ADAMTS17: variants seen among roughly 807,000 people sequenced by gnomAD.
ADAMTS17 encodes A disintegrin and metalloproteinase with thrombospondin motifs 17.
Under a neutral mutation model 141.5 loss-of-function variants are expected in ADAMTS17, and 113 were observed. The observed-to-expected ratio is 0.80, with a 90% CI of 0.69 to 0.93. The LOEUF (loss-of-function observed/expected upper bound fraction) is 0.93. Among genes scored for constraint, ADAMTS17 ranks in the 40% least tolerant of loss-of-function variants. The pLI, the probability that ADAMTS17 is intolerant of heterozygous loss-of-function variation, is 0.00. For missense variants in ADAMTS17, 1,659 were observed against 1,517.9 expected (o/e 1.09, Z -1.54); for synonymous variants, 768 against 630.6 (o/e 1.22, Z -3.27).
chr15:100,167,786 G>A (rs944679424), intron 8 of ADAMTS17, among the ~76,000 whole-genome samples: 2 of 152,222 alleles, frequency 1.3e-5, no homozygotes, highest in African/African-American at 4.8e-5. Flanking sequence ...GGTCTTGTGA[G>A]GCTCTCCTTA....
chr15:100,262,171 C>T (rs1057246882), intron 5 of ADAMTS17, among the ~76,000 whole-genome samples, 181 bp downstream of exon 5: 2 of 152,008 alleles, frequency 1.3e-5, no homozygotes, highest in African/African-American at 4.8e-5. Flanking sequence ...AGATTCTCAA[C>T]AGCCCCCCCT....
At chr15:100,248,956 G>A (rs960755335) in intron 7 of ADAMTS17, among the ~76,000 whole-genome samples, 4 of 152,174 alleles carry the variant, frequency 2.6e-5, no homozygotes, top group East Asian at 1.9e-4. Context: ...CCGCCACCAC[G>A]CCTGGCTAAT....
intron 15 of ADAMTS17, among the ~76,000 whole-genome samples, chr15:100,078,618 G>A (rs2034534437): frequency 6.6e-6 from 1 of 152,154 alleles, no homozygotes; most frequent in Admixed American, 6.5e-5. Flanking sequence ...GAAACCTCTT[G>A]GAAGAAAACA....
intron 15 of ADAMTS17, among the ~76,000 whole-genome samples, chr15:100,062,278 C>G (rs1596325308): frequency 6.6e-6 from 1 of 152,274 alleles, no homozygotes; most frequent in South Asian, 2.1e-4. Flanking sequence ...CCGTCACAGC[C>G]TCAAGGAGGC....
rs182785608 is a variant in ADAMTS17 at position 100,230,411 on chromosome 15, G to T, written c.1075+23725C>A. On this transcript the variant is annotated intron_variant, in intron 7 of 21. Transcript: ENST00000268070. ...TGGCTGGTACAGAGTTGGAGGAGAA[G>T]TCATCCATGCCATAGACACACGAGC... Among the ~76,000 whole-genome samples, 46 of 152,328 alleles carry T rather than the reference G, an allele frequency of 3.0e-4. 1 individual carries two copies. The East Asian group carries it at 7.0e-3, about 23-fold the overall frequency.
At chr15:100,209,080 C>G (rs2041690793) in intron 7 of ADAMTS17, among the ~76,000 whole-genome samples, 1 of 114,178 alleles carries the variant, frequency 8.8e-6, no homozygotes. Context: ...GAATACAATG[C>G]AAGGCCATGC....
chr15:100,230,211 G>T (rs923384871), intron 7 of ADAMTS17, among the ~76,000 whole-genome samples: 13 of 152,200 alleles, frequency 8.5e-5, no homozygotes, highest in Non-Finnish European at 2.9e-5. Context: ...AACACGTCAC[G>T]AATGACACCC....
intron 3 of ADAMTS17, among the ~76,000 whole-genome samples, chr15:100,312,261 G>A (rs1046830854): frequency 6.6e-6 from 1 of 152,240 alleles, no homozygotes; most frequent in Non-Finnish European, 1.5e-5. Flanking sequence ...TCTGACTACA[G>A]AAGAGAATTG....
chr15:100,193,454 C>T (rs1441930639), intron 8 of ADAMTS17, among the ~76,000 whole-genome samples: 1 of 152,072 alleles, frequency 6.6e-6, no homozygotes, highest in Non-Finnish European at 1.5e-5. Context: ...GTTGGCTCCC[C>T]AGCACTGGGG....
intron 10 of ADAMTS17, among the ~76,000 whole-genome samples, chr15:100,140,342 A>AT (rs1417602642): frequency 6.6e-6 from 1 of 152,054 alleles, no homozygotes; most frequent in Admixed American, 6.6e-5. Context: ...GGCATATAGT[A>AT]TTTTTTGTAA....
At position 100,162,856 on chromosome 15, in the gene ADAMTS17, C is replaced by G. The variant is rs565091029; in HGVS notation, c.1182-7536G>C. Among the ~76,000 whole-genome samples, 2 of 143,976 alleles carry G rather than the reference C, an allele frequency of 1.4e-5. 1 individual carries two copies. Among genetic ancestry groups the G allele is most frequent in the Admixed American group, 1.4e-4 (2 of 14,186 alleles). 94.5% of individuals were successfully genotyped at this position (143,976 alleles called of 152,430 possible). A position where few individuals can be genotyped will look rare whatever the true frequency, so the allele number is the denominator to read the frequency against. ...TGTATAACTATATATAGTTATATATCTGTGTATATATATAACTATATGTAT... is the reference window on the plus strand; with the variant it reads ...TGTATAACTATATATAGTTATATATGTGTGTATATATATAACTATATGTAT... On this transcript the variant is annotated intron_variant, in intron 8 of 21. Coordinates refer to ENST00000268070, the MANE Select transcript of ADAMTS17 (RefSeq NM_139057.4).
At chr15:100,127,889 A>AGC (rs1025466543) in intron 12 of ADAMTS17, among the ~76,000 whole-genome samples, 6 of 136,542 alleles carry the variant, frequency 4.4e-5, no homozygotes, top group Non-Finnish European at 6.7e-5. Flanking sequence ...GCCCCCTGAT[A>AGC]AAGTTTTTTT....
chr15:99,988,197 G>A (rs2060627877), intron 20 of ADAMTS17, among the ~76,000 whole-genome samples: 2 of 152,192 alleles, frequency 1.3e-5, no homozygotes, highest in African/African-American at 2.4e-5. Context: ...GTCCCCCAAC[G>A]TTGGAGGTGG....
chr15:100,067,450 C>G (rs1245804946), intron 15 of ADAMTS17, among the ~76,000 whole-genome samples: 2 of 152,356 alleles, frequency 1.3e-5, no homozygotes, highest in South Asian at 4.1e-4. Flanking sequence ...CAGGGAAATA[C>G]CAGTTGTCAA....
intron 7 of ADAMTS17, among the ~76,000 whole-genome samples, chr15:100,238,014 A>G (rs1054694706): frequency 1.3e-5 from 2 of 152,214 alleles, no homozygotes; most frequent in Admixed American, 1.3e-4. Flanking sequence ...CCCTGCAAAA[A>G]AGAAGCAAAG....
At chr15:100,014,911 C>A (rs2141419262) in intron 18 of ADAMTS17, among the ~76,000 whole-genome samples, 1 of 152,192 alleles carries the variant, frequency 6.6e-6, no homozygotes, top group Middle Eastern at 3.4e-3. Flanking sequence ...TCTATTATTT[C>A]TTTGTTGACT....
chr15:99,990,053 G>C (rs2060660650), intron 20 of ADAMTS17, among the ~76,000 whole-genome samples: 1 of 152,132 alleles, frequency 6.6e-6, no homozygotes, highest in Non-Finnish European at 1.5e-5. Flanking sequence ...GGTTCGAAGT[G>C]CATCTTTCTT....
At chr15:100,238,377 C>A (rs1423335346) in intron 7 of ADAMTS17, among the ~76,000 whole-genome samples, 1 of 152,222 alleles carries the variant, frequency 6.6e-6, no homozygotes, top group African/African-American at 2.4e-5. Context: ...TAAAACATCA[C>A]CCCACAAGAG....
At chr15:100,225,383 C>G (rs1310644068) in intron 7 of ADAMTS17, among the ~76,000 whole-genome samples, 1 of 152,272 alleles carries the variant, frequency 6.6e-6, no homozygotes, top group East Asian at 1.9e-4. Context: ...CTTGGGGGAG[C>G]TTCCCCGATG....
Sources: gnomAD v4.1 joint callset for allele counts (sites outside exome capture counted in the v4.1 genomes callset) on GRCh38, gnomAD v4.1.1 for gene constraint, MANE v1.5 for transcripts, NCBI Gene and HGNC (gene_info 2026-07-23, HGNC 2026-07-21) for gene names.